The following NINJ2 variants were observed in gnomAD, a reference collection of about 807,000 sequenced individuals.
The protein encoded by NINJ2 is ninjurin-2.
Under a neutral mutation model 11.7 loss-of-function variants are expected in NINJ2, and 12 were observed. That is an observed-to-expected ratio of 1.02 (90% CI 0.66 to 1.66). The LOEUF (loss-of-function observed/expected upper bound fraction) is 1.66. Among genes scored for constraint, NINJ2 ranks in the 40% most tolerant of loss-of-function variants. NINJ2 has a pLI of 0.00. For missense variants in NINJ2, 187 were observed against 181.8 expected (o/e 1.03, Z -0.16); for synonymous variants, 93 against 76.8 (o/e 1.21, Z -1.10).
At chr12:570,419 C>G (rs1160194173) in intron 1 of NINJ2, among the ~76,000 whole-genome samples, 1 of 152,204 alleles carries the variant, frequency 6.6e-6, no homozygotes, top group African/African-American at 2.4e-5. Flanking sequence ...AGTCCTAAAT[C>G]CTGCAGGGGG....
intron 1 of NINJ2, among the ~76,000 whole-genome samples, chr12:660,442 G>A (rs1327175451): frequency 1.3e-5 from 2 of 150,308 alleles, no homozygotes; most frequent in African/African-American, 4.9e-5. Flanking sequence ...CCAGGTTCAA[G>A]CAACTCTCCT....
intron 1 of NINJ2, among the ~76,000 whole-genome samples, chr12:568,226 A>C (rs1305074846): frequency 6.6e-6 from 1 of 152,218 alleles, no homozygotes; most frequent in Non-Finnish European, 1.5e-5. Context: ...ATATAAATAG[A>C]AGTTTAATTT....
intron 1 of NINJ2, among the ~76,000 whole-genome samples, chr12:642,479 C>T (rs1356635978): frequency 1.3e-5 from 2 of 152,222 alleles, no homozygotes; most frequent in African/African-American, 4.8e-5. Flanking sequence ...CCCCCCGCCT[C>T]GGCCTGCCAA....
chr12:648,938 C>T (rs1387672064), intron 1 of NINJ2, among the ~76,000 whole-genome samples: 1 of 151,952 alleles, frequency 6.6e-6, no homozygotes, highest in Non-Finnish European at 1.5e-5. Flanking sequence ...TCATCCTTTG[C>T]AGCTCATTCA....
intron 1 of NINJ2, among the ~76,000 whole-genome samples, chr12:631,741 G>A (rs1948284553): frequency 1.3e-5 from 2 of 152,148 alleles, no homozygotes; most frequent in African/African-American, 4.8e-5. Context: ...GTTTGTAATT[G>A]TAATTCACAA....
rs112383920 is a variant in NINJ2 at position 603,667 on chromosome 12, C to CTTT, written c.34-37492_34-37490dup. ...ATTTGTTGAAAAGACTATTCTTTTT[C>CTTT]TTTTTTTTTTTGAGACGGAGTCTCA... On this transcript the variant is annotated intron_variant, in intron 1 of 3. Transcript: ENST00000305108. Among the ~76,000 whole-genome samples the CTTT allele has an allele frequency of 4.4e-3, 644 of 146,654 alleles. 6 individuals are homozygous for CTTT. The highest frequency in any genetic ancestry group is 0.015 in the African/African-American group (605 of 40,198).
intron 1 of NINJ2, among the ~76,000 whole-genome samples, chr12:567,963 C>T (rs111472269): frequency 6.6e-6 from 1 of 152,300 alleles, no homozygotes; most frequent in African/African-American, 2.4e-5. Context: ...GCAGAGATCG[C>T]ACCATTGCAC....
At chr12:625,307 G>A (rs1362448835) in intron 1 of NINJ2, among the ~76,000 whole-genome samples, 1 of 152,046 alleles carries the variant, frequency 6.6e-6, no homozygotes, top group Admixed American at 6.6e-5. Context: ...ATGCAGACTA[G>A]CAAATAGTTC....
chr12:661,575 C>T (rs1209085893), intron 1 of NINJ2, among the ~76,000 whole-genome samples: 4 of 152,208 alleles, frequency 2.6e-5, no homozygotes, highest in African/African-American at 9.7e-5. Context: ...TTCCTCCCAC[C>T]ACCTCTTTCC....
intron 1 of NINJ2, among the ~76,000 whole-genome samples, chr12:656,610 G>T (rs532558137): frequency 1.3e-5 from 2 of 151,814 alleles, no homozygotes; most frequent in Admixed American, 1.3e-4. Flanking sequence ...TTAGCCAGAT[G>T]TGGTGGCGGG....
Position 657,004 on chromosome 12 carries a change from G to A in NINJ2, c.33+6324C>T, listed in dbSNP as rs183060232. On this transcript the variant is annotated intron_variant, in intron 1 of 3. Transcript: ENST00000305108. ...CACCCTCTACAAGAATTAATTCAAA[G>A]TGGACTATAAACCTAAATGTAAAAT... Among the ~76,000 whole-genome samples, 5 of 152,248 alleles carry A rather than the reference G, an allele frequency of 3.3e-5. No homozygotes were observed. The East Asian group carries it at 9.6e-4, about 29-fold the overall frequency.
rs1430185011 is a variant in NINJ2 at position 565,954 on chromosome 12, G to T, written c.258C>A (p.Val86=). 2 of 1,614,048 alleles carry T rather than the reference G, an allele frequency of 1.2e-6. No individual in the cohort carries two copies. Among genetic ancestry groups the T allele is most frequent in the Admixed American group, 3.3e-5 (2 of 60,032 alleles). The part of the protein sequence containing the change: ...LQVVIGVLLV[V]IARLNLNEVE... ...ACTGCAGGCTGGGCTCCTCACCAATGACCACGAGCAGGACACCGATGACCA... is the reference window on the plus strand; with the variant it reads ...ACTGCAGGCTGGGCTCCTCACCAATTACCACGAGCAGGACACCGATGACCA... Residue 86 remains valine (V), a synonymous_variant, in exon 2 of 4, where the codon GTC becomes GTA. Coordinates refer to ENST00000305108, the MANE Select transcript of NINJ2 (RefSeq NM_016533.6).
chr12:571,050 G>A (rs1947368441), intron 1 of NINJ2, among the ~76,000 whole-genome samples: 1 of 151,992 alleles, frequency 6.6e-6, no homozygotes, highest in African/African-American at 2.4e-5. Context: ...TCTTCCTCAG[G>A]TCTCATTCTG....
At chr12:582,314 A>T (rs1030490777) in intron 1 of NINJ2, among the ~76,000 whole-genome samples, 14 of 97,636 alleles carry the variant, frequency 1.4e-4, no homozygotes, top group African/African-American at 3.5e-4. Flanking sequence ...GGCATGCTAG[A>T]GTGAATGAAT....
intron 1 of NINJ2, among the ~76,000 whole-genome samples, chr12:576,590 C>T (rs768413711): frequency 1.3e-5 from 2 of 152,236 alleles, no homozygotes; most frequent in African/African-American, 4.8e-5. Flanking sequence ...AACCTCGGGG[C>T]TCAAGCGACC....
intron 1 of NINJ2, among the ~76,000 whole-genome samples, chr12:593,102 A>G (rs1021629010): frequency 6.6e-6 from 1 of 152,228 alleles, no homozygotes; most frequent in African/African-American, 2.4e-5. Flanking sequence ...GTAGGAAAGA[A>G]GATTTTTTAA....
At chr12:621,832 AGAG>A (rs1176631469) in intron 1 of NINJ2, among the ~76,000 whole-genome samples, 2 of 134,488 alleles carry the variant, frequency 1.5e-5, no homozygotes, top group African/African-American at 2.7e-5. Flanking sequence ...AAAAAAAAAA[AGAG>A]AGAGAAAGAA....
At chr12:596,539 T>TA (rs1272141889) in intron 1 of NINJ2, among the ~76,000 whole-genome samples, 9 of 151,932 alleles carry the variant, frequency 5.9e-5, no homozygotes, top group Admixed American at 1.3e-4. Flanking sequence ...AATTTTACTC[T>TA]AAAAAAATAA....
intron 1 of NINJ2, among the ~76,000 whole-genome samples, chr12:599,800 C>A (rs569085232): frequency 6.6e-6 from 1 of 152,202 alleles, no homozygotes; most frequent in African/African-American, 2.4e-5. Context: ...GGACCTGCAC[C>A]CCAGCACGCC....
Sources: gnomAD v4.1 joint callset for allele counts (sites outside exome capture counted in the v4.1 genomes callset) on GRCh38, gnomAD v4.1.1 for gene constraint, MANE v1.5 for transcripts, NCBI Gene and HGNC (gene_info 2026-07-23, HGNC 2026-07-21) for gene names.